BACH2: variants seen among roughly 807,000 people sequenced by gnomAD.
BACH2 encodes the protein transcription regulator protein BACH2.
A neutral mutation model predicts 61.8 loss-of-function variants in BACH2; 5 were observed. The observed-to-expected ratio is 0.08, with a 90% CI of 0.04 to 0.17. The LOEUF (loss-of-function observed/expected upper bound fraction) is 0.17. Ranked by LOEUF, BACH2 falls within the 10% of genes least tolerant of loss-of-function variation. The probability of loss-of-function intolerance (pLI) is 1.00; values close to 1 mark genes in which losing one functional copy is unlikely to be tolerated. For missense variants in BACH2, 824 were observed against 1,091.1 expected (o/e 0.76, Z 3.45); for synonymous variants, 446 against 440.1 (o/e 1.01, Z -0.17).
chr6:90,076,840 T>G (rs1781492225), intron 5 of BACH2, among the ~76,000 whole-genome samples: 1 of 152,138 alleles, frequency 6.6e-6, no homozygotes, highest in Non-Finnish European at 1.5e-5. Context: ...TCAGCCCTAA[T>G]TACAAACCTG....
At chr6:90,209,306 A>G (rs1769262800) in intron 3 of BACH2, among the ~76,000 whole-genome samples, 1 of 152,232 alleles carries the variant, frequency 6.6e-6, no homozygotes, top group Non-Finnish European at 1.5e-5. Flanking sequence ...ACATCCAAAC[A>G]TCTCCACATG....
intron 2 of BACH2, among the ~76,000 whole-genome samples, chr6:90,258,933 T>C (rs915980945): frequency 1.3e-5 from 2 of 152,154 alleles, no homozygotes; most frequent in Non-Finnish European, 2.9e-5. Flanking sequence ...ACTGAATTCA[T>C]TCGTTGTTCT....
intron 4 of BACH2, among the ~76,000 whole-genome samples, chr6:90,199,894 T>C (rs1768898689): frequency 1.3e-5 from 2 of 152,250 alleles, no homozygotes; most frequent in Admixed American, 6.5e-5. Context: ...GTCCAGATTC[T>C]TGTTAGAGGA....
chr6:90,018,009 A>G (rs1176357823), intron 5 of BACH2, among the ~76,000 whole-genome samples: 1 of 152,218 alleles, frequency 6.6e-6, no homozygotes, highest in Non-Finnish European at 1.5e-5. Context: ...TTTGTTAGAT[A>G]GGAAAAGCAG....
intron 5 of BACH2, among the ~76,000 whole-genome samples, chr6:90,058,861 C>T (rs1429230561): frequency 1.3e-5 from 2 of 152,190 alleles, no homozygotes; most frequent in Non-Finnish European, 2.9e-5. Flanking sequence ...CTGACAAAAA[C>T]AAGAAATGGG....
intron 2 of BACH2, among the ~76,000 whole-genome samples, chr6:90,266,917 A>AT (rs1029900445): frequency 3.3e-5 from 5 of 152,162 alleles, no homozygotes; most frequent in African/African-American, 1.2e-4. Context: ...ACTTACCTCA[A>AT]TTTTTTAAAA....
At chr6:89,982,886 C>T (rs1314292416) in intron 6 of BACH2, among the ~76,000 whole-genome samples, 1 of 152,170 alleles carries the variant, frequency 6.6e-6, no homozygotes, top group Non-Finnish European at 1.5e-5. Flanking sequence ...GCCATTCTAA[C>T]AAATGTTTTC....
intron 4 of BACH2, among the ~76,000 whole-genome samples, chr6:90,188,692 A>C (rs1768444911): frequency 6.6e-6 from 1 of 151,236 alleles, no homozygotes; most frequent in Non-Finnish European, 1.5e-5. Context: ...GCTCCTACTG[A>C]AAAACTGGAC....
At chr6:89,989,997 T>G (rs1421829262) in intron 6 of BACH2, among the ~76,000 whole-genome samples, 1 of 152,198 alleles carries the variant, frequency 6.6e-6, no homozygotes, top group Non-Finnish European at 1.5e-5. Flanking sequence ...TTTAGTCACA[T>G]GTCAGAGGGA....
chr6:90,209,038 C>T (rs1173038369), intron 3 of BACH2, among the ~76,000 whole-genome samples: 2 of 143,150 alleles, frequency 1.4e-5, no homozygotes, highest in Admixed American at 7.3e-5. Flanking sequence ...GAACATCATA[C>T]ACCAGGGCCT....
At chr6:90,170,812 A>T (rs1458355222) in intron 4 of BACH2, among the ~76,000 whole-genome samples, 7 of 152,194 alleles carry the variant, frequency 4.6e-5, no homozygotes, top group Non-Finnish European at 1.0e-4. Context: ...CTGAGTACTA[A>T]AAATATTTTT....
intron 3 of BACH2, among the ~76,000 whole-genome samples, chr6:90,236,696 G>A (rs765020770): frequency 6.6e-6 from 1 of 151,996 alleles, no homozygotes; most frequent in Non-Finnish European, 1.5e-5. Flanking sequence ...GGCAATAGAT[G>A]AGGGAGCAAA....
At chr6:90,217,079 T>G (rs767182872) in intron 3 of BACH2, among the ~76,000 whole-genome samples, 1 of 152,174 alleles carries the variant, frequency 6.6e-6, no homozygotes, top group Non-Finnish European at 1.5e-5. Context: ...CATAAAAATT[T>G]ACCAGTTCTC....
intron 3 of BACH2, among the ~76,000 whole-genome samples, chr6:90,219,815 C>T (rs2021978): frequency 0.35 from 48,683 of 138,074 alleles, 8,974 homozygotes; most frequent in Non-Finnish European, 0.47. Flanking sequence ...CACACACACA[C>T]GCTCCCGAAG....
intron 4 of BACH2, among the ~76,000 whole-genome samples, chr6:90,200,676 G>GA (rs984596772): frequency 6.6e-6 from 1 of 152,056 alleles, no homozygotes; most frequent in African/African-American, 2.4e-5. Flanking sequence ...TAGAAAAGCT[G>GA]AAAATACCAA....
chr6:90,080,421 C>T (rs1373591611), intron 5 of BACH2, among the ~76,000 whole-genome samples: 2 of 152,072 alleles, frequency 1.3e-5, no homozygotes, highest in Non-Finnish European at 2.9e-5. Flanking sequence ...AGCATTAATT[C>T]ACACATGGTT....
chr6:90,242,855 G>A (rs1020652089), intron 3 of BACH2, among the ~76,000 whole-genome samples: 7 of 151,726 alleles, frequency 4.6e-5, no homozygotes, highest in Non-Finnish European at 1.0e-4. Flanking sequence ...TTGACTTTGG[G>A]CTGTTGACTT....
intron 4 of BACH2, among the ~76,000 whole-genome samples, chr6:90,134,710 T>C (rs561894946): frequency 6.6e-6 from 1 of 152,218 alleles, no homozygotes; most frequent in South Asian, 2.1e-4. Context: ...GTCAGGGTAT[T>C]TGCTAGAGGA....
At position 89,931,957 on chromosome 6, in the gene BACH2, A is replaced by T. The variant is rs199924457; in HGVS notation, c.*451T>A. 351 of 123,862 alleles carry T rather than the reference A, an allele frequency of 2.8e-3. 4 individuals carry two copies. The highest frequency in any genetic ancestry group is 0.023 in the Admixed American group (287 of 12,422). The allele number at this position is 123,862 out of a possible 1,614,324, so 7.7% of individuals were successfully genotyped here. On this transcript the variant is annotated 3_prime_UTR_variant, in exon 9 of 9. Coordinates refer to ENST00000257749, the MANE Select transcript of BACH2 (RefSeq NM_021813.4). ...TGGATATATATATATATATATATAT[A>T]TTTTATATATATATTATATATAATA...
Sources: gnomAD v4.1 joint callset for allele counts (sites outside exome capture counted in the v4.1 genomes callset) on GRCh38, gnomAD v4.1.1 for gene constraint, MANE v1.5 for transcripts, NCBI Gene and HGNC (gene_info 2026-07-23, HGNC 2026-07-21) for gene names.